The following FLT3LG variants were observed in gnomAD, a reference collection of about 807,000 sequenced individuals.
FLT3LG encodes the protein fms-related tyrosine kinase 3 ligand.
Under a neutral mutation model 30.9 loss-of-function variants are expected in FLT3LG, and 8 were observed. The observed-to-expected ratio is 0.26, with a 90% CI of 0.15 to 0.47. The LOEUF is 0.47. Ranked by LOEUF, FLT3LG falls within the 20% of genes least tolerant of loss-of-function variation. The pLI is 0.99. For missense variants in FLT3LG, 278 were observed against 306.2 expected (o/e 0.91, Z 0.69); for synonymous variants, 123 against 135.9 (o/e 0.91, Z 0.66).
rs540989823 is a variant in FLT3LG, at chr19:49,484,143, A to G, written c.*22-1872A>G. Among the ~76,000 whole-genome samples, 382 of 148,476 alleles carry G rather than the reference A, an allele frequency of 2.6e-3. 2 individuals are homozygous for G. The highest frequency in any genetic ancestry group is 8.7e-3 in the African/African-American group (356 of 40,700). ...CGTGATCTGCCCGCCTCAGCCTCCC[A>G]AAGTGCTGGGATTATAGGCGTGAGC... On this transcript the variant is annotated intron_variant, in intron 8 of 8. Coordinates refer to ENST00000597551, the MANE Select transcript of FLT3LG (RefSeq NM_001459.4).
chr19:49,483,704 A>C (rs1393125333), intron 8 of FLT3LG, among the ~76,000 whole-genome samples: 1 of 151,620 alleles, frequency 6.6e-6, no homozygotes, highest in Non-Finnish European at 1.5e-5. Context: ...CCTGGGTGAG[A>C]GAGCAAGACC....
In FLT3LG at chr19:49,476,774, G is replaced by A. The variant is rs114681457; in HGVS notation, c.342+208G>A. On this transcript the variant is annotated intron_variant, in intron 5 of 8. Transcript: ENST00000597551. The surrounding 1 kb of genome is among the most constrained non-coding windows in gnomAD (Gnocchi z 5.3). Reference sequence around the variant, plus strand: ...GGGAGCAGTCTGGTCCCATTCTGGGGCCCCGGTTTCCTAGGCCATGATGAA... The same window carrying A: ...GGGAGCAGTCTGGTCCCATTCTGGGACCCCGGTTTCCTAGGCCATGATGAA... 530 of 602,496 alleles carry A rather than the reference G, an allele frequency of 8.8e-4. 1 individual carries two copies. The African/African-American group carries it at 9.5e-3, about 11-fold the overall frequency. The allele number at this position is 602,496 out of a possible 1,614,324, so 37.3% of individuals were successfully genotyped here. A position where few individuals can be genotyped will look rare whatever the true frequency, so the allele number is the denominator to read the frequency against.
chr19:49,484,082 A>C (rs1023151612), intron 8 of FLT3LG, among the ~76,000 whole-genome samples: 1 of 150,046 alleles, frequency 6.7e-6, no homozygotes, highest in Non-Finnish European at 1.5e-5. Flanking sequence ...GTAGGGTTTC[A>C]CTATGTTTGC....
chr19:49,478,967 C>T lies in FLT3LG; in HGVS notation c.401C>T (p.Thr134Ile). ...AACATCTCCCGCCTCCTGCAGGAGA[C>T]CTCCGAGCAGCTGGTGGCGCTGAAG... ...QTNISRLLQE[T>I]SEQLVALKPW... Residue 134 changes from threonine (T) to isoleucine (I), a missense_variant, in exon 6 of 9, where the codon ACC becomes ATC. Physicochemically the swap from Thr to Ile is moderately conservative, Grantham distance 89. Transcript: ENST00000597551. 2.5e-6 allele frequency: 4 copies of T among 1,589,836 alleles called. No homozygotes were observed. The highest frequency in any genetic ancestry group is 3.4e-6 in the Non-Finnish European group (4 of 1,167,888).
At chr19:49,483,743 A>C (rs553266347) in intron 8 of FLT3LG, among the ~76,000 whole-genome samples, 1 of 151,766 alleles carries the variant, frequency 6.6e-6, no homozygotes, top group South Asian at 2.1e-4. Context: ...AACCACACAG[A>C]AGAGTTTAGA....
chr19:49,480,446 G>A lies in FLT3LG; in HGVS notation c.630G>A (p.Thr210=), dbSNP rs760404338. 15 of 1,593,204 alleles carry A rather than the reference G, an allele frequency of 9.4e-6. No individual in the cohort carries two copies. Among genetic ancestry groups the A allele is most frequent in the East Asian group, 4.6e-5 (2 of 43,526 alleles). Residue 210 remains threonine, a synonymous_variant, in exon 7 of 9, where the codon ACG becomes ACA. Transcript: ENST00000597551. ...CCTGGTGCCTGCACTGGCAGAGGACGCGGCGGAGGACACCCCGCCCTGGGG... is the reference window on the plus strand; with the variant it reads ...CCTGGTGCCTGCACTGGCAGAGGACACGGCGGAGGACACCCCGCCCTGGGG... ...AAAWCLHWQR[T]RRRTPRPGEQ...
At chr19:49,474,309 C>T (rs1601059909) in intron 1 of FLT3LG, 28 bp downstream of exon 1, 2 of 510,048 alleles carry the variant, frequency 3.9e-6, no homozygotes, top group East Asian at 6.9e-5. Context: ...GACTCTAGGT[C>T]CCCAAGGGGC....
chr19:49,475,057 T>G (rs940791163), intron 2 of FLT3LG, among the ~76,000 whole-genome samples: 444 of 14,136 alleles, frequency 0.031, no homozygotes, highest in Non-Finnish European at 0.035. Flanking sequence ...TGGACAGAGG[T>G]GGGGGAGATG....
chr19:49,485,664 G>A (rs781434730), intron 8 of FLT3LG, among the ~76,000 whole-genome samples: 9 of 152,114 alleles, frequency 5.9e-5, no homozygotes, highest in Non-Finnish European at 7.3e-5. Context: ...TTACAGGCGT[G>A]AGCCACTGTG....
chr19:49,479,996 T>G (rs1431675455), intron 6 of FLT3LG, among the ~76,000 whole-genome samples: 4 of 149,150 alleles, frequency 2.7e-5, no homozygotes, highest in African/African-American at 1.0e-4. Flanking sequence ...TAGAGATGGG[T>G]TTTCACCATG....
At chr19:49,475,465 G>A (rs2079358603) in intron 2 of FLT3LG, among the ~76,000 whole-genome samples, 2 of 151,680 alleles carry the variant, frequency 1.3e-5, no homozygotes, top group African/African-American at 4.9e-5. Flanking sequence ...GGAGAGAGAG[G>A]GGTGGGGCAG....
Position 49,474,603 on chromosome 19 carries a change from A to T in FLT3LG, c.-37A>T. On this transcript the variant is annotated splice_region_variant and 5_prime_UTR_variant, in exon 2 of 9. Coordinates refer to ENST00000597551, the MANE Select transcript of FLT3LG (RefSeq NM_001459.4). ...GACTTGTTCTTCTGTCCCTTCCAAG[A>T]CCCGGCGACAGGAGGCATGAGGGGC... 6.2e-7 allele frequency: 1 copy of T among 1,610,644 alleles called. No individual in the cohort carries two copies. Among genetic ancestry groups the T allele is most frequent in the Non-Finnish European group, 8.5e-7 (1 of 1,178,714 alleles).
chr19:49,480,660 T>C, intron 8 of FLT3LG, 40 bp downstream of exon 8: 1 of 1,565,838 alleles, frequency 6.4e-7, no homozygotes, highest in Non-Finnish European at 8.7e-7. Context: ...ACTTTGTGTC[T>C]GCAGGTTGGG....
intron 6 of FLT3LG, among the ~76,000 whole-genome samples, chr19:49,479,988 G>C (rs1388935816): frequency 2.6e-5 from 4 of 151,464 alleles, no homozygotes; most frequent in Non-Finnish European, 5.9e-5. Context: ...GTTTTTAGTA[G>C]AGATGGGTTT....
chr19:49,475,655 C>T, intron 2 of FLT3LG, 36 bp from the exon 3 acceptor site: 2 of 1,594,986 alleles, frequency 1.3e-6, no homozygotes, highest in Non-Finnish European at 1.7e-6. Flanking sequence ...GTGTGTGGAA[C>T]AGCAGAGGGC....
At chr19:49,483,691 C>T (rs2079692170) in intron 8 of FLT3LG, among the ~76,000 whole-genome samples, 1 of 151,698 alleles carries the variant, frequency 6.6e-6, no homozygotes, top group East Asian at 2.0e-4. Context: ...CACTGCACTC[C>T]AGCCTGGGTG....
chr19:49,475,861 A>C (rs1489252119), intron 3 of FLT3LG, 60 bp downstream of exon 3: 2 of 1,140,056 alleles, frequency 1.8e-6, no homozygotes, highest in South Asian at 1.3e-5. Context: ...TTTTTTTTTT[A>C]AGTAGAGATG....
Position 49,478,917 on chromosome 19 carries a change from C to T in FLT3LG, c.351C>T (p.Pro117=), listed in dbSNP as rs1002854603. Residue 117 remains proline, a synonymous_variant, in exon 6 of 9, where the codon CCC becomes CCT. Transcript: ENST00000597551. ...CCCTCCCCTGCTCCCAGCCCCCCCCCAGCTGTCTTCGCTTCGTCCAGACCA... is the reference window on the plus strand; with the variant it reads ...CCCTCCCCTGCTCCCAGCCCCCCCCTAGCTGTCTTCGCTTCGTCCAGACCA... ...FVTKCAFQPP[P]SCLRFVQTNI... is the part of the protein sequence containing the mutation. 7 of 1,538,270 alleles carry T rather than the reference C, an allele frequency of 4.6e-6. No individual in the cohort carries two copies. The highest frequency in any genetic ancestry group is 1.2e-5 in the South Asian group (1 of 82,630).
Position 49,476,369 on chromosome 19 carries a change from C to T in FLT3LG, c.199-54C>T. ...CCGGCCCAGCCCCTCCTCCCTCAGA[C>T]CCAGCAGCCCCGTGCCCAGCTCCTC... On this transcript the variant is annotated intron_variant, in intron 4 of 8. Coordinates refer to ENST00000597551, the MANE Select transcript of FLT3LG (RefSeq NM_001459.4). This position sits in a 1 kb window ranked among gnomAD's most constrained non-coding sequence, Gnocchi z 5.3. The T allele has an allele frequency of 6.4e-7, 1 of 1,573,998 alleles. No individual in the cohort carries two copies. The highest frequency in any genetic ancestry group is 2.3e-5 in the East Asian group (1 of 44,126).
Sources: allele counts gnomAD v4.1 joint callset (sites outside exome capture counted in the v4.1 genomes callset), GRCh38; gene constraint gnomAD v4.1.1; non-coding constraint Gnocchi (gnomAD v3.1); transcripts MANE v1.5; gene names NCBI Gene and HGNC (gene_info 2026-07-23, HGNC 2026-07-21).